The following CDH20 variants were observed in gnomAD, a reference collection of about 807,000 sequenced individuals.
CDH20 encodes cadherin-20.
A neutral mutation model predicts 74.2 loss-of-function variants in CDH20; 29 were observed. The ratio of observed to expected loss-of-function variants is 0.39; its 90% CI spans 0.29 to 0.53. CDH20 has a LOEUF of 0.53. CDH20 is among the 20% of genes least tolerant of loss of function. CDH20 has a pLI of 0.69. For missense variants in CDH20, 988 were observed against 1,048.3 expected, an observed-to-expected ratio of 0.94 and a Z score of 0.79; for synonymous variants, 469 against 405.4, an observed-to-expected ratio of 1.16 and a Z score of -1.88.
At chr18:61,475,279 G>A (rs1331966234) in intron 1 of CDH20, among the ~76,000 whole-genome samples, 2 of 152,158 alleles carry the variant, frequency 1.3e-5, no homozygotes, top group Admixed American at 1.3e-4. Flanking sequence ...GCCAGATATA[G>A]GGGTGTGAAG....
At position 61,502,622 on chromosome 18, in the gene CDH20, G is replaced by GA. The variant is rs1313087481; in HGVS notation, c.662-330dup. On this transcript the variant is annotated intron_variant, in intron 4 of 11. Coordinates refer to ENST00000262717, the MANE Select transcript of CDH20 (RefSeq NM_031891.4). ...CCCAAAGCCCCCAGTTTTCCTTGGT[G>GA]AGACAGCACTGTCTGAAATCGCCTT... is the stretch of plus-strand genomic sequence containing the variant. Among the ~76,000 whole-genome samples the GA allele has an allele frequency of 2.6e-5, 4 of 152,130 alleles. No individual in the cohort carries two copies. In the East Asian group the frequency reaches 5.8e-4, roughly 22 times the overall value.
intron 1 of CDH20, among the ~76,000 whole-genome samples, chr18:61,422,077 T>C (rs1267330456): frequency 6.6e-6 from 1 of 152,192 alleles, no homozygotes; most frequent in Non-Finnish European, 1.5e-5. Context: ...ATATGGCTTC[T>C]AGTCCATGCA....
At chr18:61,442,538 G>A (rs915347339) in intron 1 of CDH20, among the ~76,000 whole-genome samples, 1 of 152,000 alleles carries the variant, frequency 6.6e-6, no homozygotes, top group African/African-American at 2.4e-5. Context: ...ATAATTTTCA[G>A]TTTCAATTAG....
At position 61,507,573 on chromosome 18, in the gene CDH20, C is replaced by T. The variant is rs1244939106; in HGVS notation, c.1017+13C>T. 3 of 1,589,020 alleles carry T rather than the reference C, an allele frequency of 1.9e-6. No individual in the cohort carries two copies. Among genetic ancestry groups the T allele is most frequent in the African/African-American group, 2.7e-5 (2 of 74,100 alleles). On this transcript the variant is annotated intron_variant, in intron 6 of 11. Transcript: ENST00000262717. ...AACTGTGAAGAAGGTAATCCAACTC[C>T]TTTTTCTAAACCACTTTCATGGGTG...
intron 1 of CDH20, among the ~76,000 whole-genome samples, chr18:61,388,377 C>A (rs777535094): frequency 1.3e-5 from 2 of 152,130 alleles, no homozygotes; most frequent in Non-Finnish European, 2.9e-5. Context: ...AATGTTTAGT[C>A]TTGATTAACT....
chr18:61,342,445 C>G (rs574980111), intron 1 of CDH20, among the ~76,000 whole-genome samples: 1 of 152,308 alleles, frequency 6.6e-6, no homozygotes, highest in South Asian at 2.1e-4. Context: ...GGCTCCCACG[C>G]CTGTGGTCTT....
chr18:61,445,703 C>T (rs1909177279), intron 1 of CDH20, among the ~76,000 whole-genome samples: 1 of 152,152 alleles, frequency 6.6e-6, no homozygotes, highest in Admixed American at 6.5e-5. Flanking sequence ...AACCCTATTC[C>T]AATTTTCTAT....
intron 2 of CDH20, among the ~76,000 whole-genome samples, chr18:61,494,022 G>A (rs1363720584): frequency 6.6e-5 from 10 of 152,124 alleles, no homozygotes; most frequent in African/African-American, 2.2e-4. Flanking sequence ...ACTATGTGTC[G>A]GTCACAATCA....
Position 61,508,134 on chromosome 18 carries a change from C to A in CDH20, c.1017+574C>A, listed in dbSNP as rs114824695. Among the ~76,000 whole-genome samples the A allele has an allele frequency of 4.3e-3, 662 of 152,216 alleles. 7 individuals are homozygous for A. The highest frequency in any genetic ancestry group is 0.015 in the African/African-American group (611 of 41,528). On this transcript the variant is annotated intron_variant, in intron 6 of 11. Coordinates refer to ENST00000262717, the MANE Select transcript of CDH20 (RefSeq NM_031891.4). ...TCAATTCTTTCTGTGACATAAAGCA[C>A]ATATGGATATACTGAGCTAGAAGAT...
intron 8 of CDH20, among the ~76,000 whole-genome samples, chr18:61,538,588 G>GTTTTTTTTTTTTTTTT (rs1265851069): frequency 1.8e-5 from 1 of 55,098 alleles, no homozygotes; most frequent in Non-Finnish European, 3.5e-5. Flanking sequence ...CTTTTTGTTT[G>GTTTTTTTTTTTTTTTT]TTTGTTTGTT....
chr18:61,504,622 C>G (rs1166255560), intron 5 of CDH20, among the ~76,000 whole-genome samples: 1 of 151,956 alleles, frequency 6.6e-6, no homozygotes, highest in African/African-American at 2.4e-5. Context: ...AAGCAGATGC[C>G]TGAAGGAAGC....
chr18:61,356,467 GTTATA>G (rs1406224407), intron 1 of CDH20, among the ~76,000 whole-genome samples: 1 of 151,966 alleles, frequency 6.6e-6, no homozygotes, highest in Non-Finnish European at 1.5e-5. Flanking sequence ...TAAAATGAAG[GTTATA>G]TTATCTCTTA....
At chr18:61,426,687 C>T (rs754838940) in intron 1 of CDH20, among the ~76,000 whole-genome samples, 1 of 152,218 alleles carries the variant, frequency 6.6e-6, no homozygotes, top group Non-Finnish European at 1.5e-5. Context: ...GACTTAATGG[C>T]CTGCATCAGC....
chr18:61,475,929 A>G (rs1433867401), intron 1 of CDH20, among the ~76,000 whole-genome samples: 2 of 152,156 alleles, frequency 1.3e-5, no homozygotes, highest in Non-Finnish European at 2.9e-5. Context: ...ACCCCCTTCT[A>G]AATGCAAGAA....
At position 61,545,014 on chromosome 18, in the gene CDH20, G is replaced by C. The variant is rs374993616; in HGVS notation, c.1531-13G>C. ...TTGGCTCCAACTCACCTGATTTCAT[G>C]TCCCTCCCTCAGCTGATCCAGACAG... On this transcript the variant is annotated splice_polypyrimidine_tract_variant and intron_variant, in intron 9 of 11. Coordinates refer to ENST00000262717, the MANE Select transcript of CDH20 (RefSeq NM_031891.4). 1.3e-5 allele frequency: 21 copies of C among 1,582,194 alleles called. No individual in the cohort carries two copies. The African/African-American group carries it at 1.9e-4, about 14-fold the overall frequency.
Position 61,549,835 on chromosome 18 carries a change from A to G in CDH20, c.1649-143A>G. The stretch of plus-strand genomic sequence containing the variant: ...CTGAATCCAAATGCTGATCCAGGCA[A>G]ACCCGCCATGGTTGACCACTACCAG... On this transcript the variant is annotated intron_variant, in intron 10 of 11. Coordinates refer to ENST00000262717, the MANE Select transcript of CDH20 (RefSeq NM_031891.4). 3 of 858,226 alleles carry G rather than the reference A, an allele frequency of 3.5e-6. No homozygotes were observed. In the South Asian group the frequency reaches 5.5e-5, roughly 16 times the overall value. 53.2% of individuals were successfully genotyped at this position (858,226 alleles called of 1,614,324 possible).
intron 1 of CDH20, among the ~76,000 whole-genome samples, chr18:61,379,531 T>C (rs1911362749): frequency 6.6e-6 from 1 of 152,182 alleles, no homozygotes; most frequent in Admixed American, 6.5e-5. Context: ...GGAAAGTCTA[T>C]GGAATATTCT....
intron 1 of CDH20, among the ~76,000 whole-genome samples, chr18:61,479,142 T>C (rs1427054973): frequency 1.3e-5 from 2 of 152,100 alleles, no homozygotes; most frequent in Non-Finnish European, 2.9e-5. Flanking sequence ...ATATTTATTT[T>C]GCTTATTTGA....
At chr18:61,532,804 A>G (rs1281038667) in intron 7 of CDH20, among the ~76,000 whole-genome samples, 1 of 152,238 alleles carries the variant, frequency 6.6e-6, no homozygotes, top group Non-Finnish European at 1.5e-5. Context: ...TATGGATTAC[A>G]GTTGCTGGCA....
Sources: gnomAD v4.1 joint callset for allele counts (sites outside exome capture counted in the v4.1 genomes callset) on GRCh38, gnomAD v4.1.1 for gene constraint, MANE v1.5 for transcripts, NCBI Gene and HGNC (gene_info 2026-07-23, HGNC 2026-07-21) for gene names.